PCDHGA2: variants seen among roughly 807,000 people sequenced by gnomAD.
The protein encoded by PCDHGA2 is protocadherin gamma-A2.
In PCDHGA2, 40 loss-of-function variants were observed where a neutral mutation model predicts 59.2. The observed-to-expected ratio is 0.68, with a 90% confidence interval of 0.52 to 0.88. The LOEUF is 0.88. Ranked by LOEUF, PCDHGA2 falls within the 40% of genes least tolerant of loss-of-function variation. The probability of loss-of-function intolerance (pLI) is 0.00; values close to 1 mark genes in which losing one functional copy is unlikely to be tolerated. For synonymous variants in PCDHGA2, 560 were observed against 526.0 expected (o/e 1.06, Z -0.89); for missense variants, 1,226 against 1,204.0 (o/e 1.02, Z -0.27).
chr5:141,366,101 G>A lies in PCDHGA2; in HGVS notation c.2424+24706G>A, dbSNP rs372607743. On this transcript the variant is annotated intron_variant, in intron 1 of 3. Coordinates refer to ENST00000394576, the MANE Select transcript of PCDHGA2 (RefSeq NM_018915.4). ...AGAACCTGGCTACCTGGTGACCAAG[G>A]TGGTAGCGGTGGACAAAGATTCAGG... 3.2e-5 allele frequency: 52 copies of A among 1,614,128 alleles called. No individual in the cohort carries two copies. Among genetic ancestry groups the A allele is most frequent in the Non-Finnish European group, 4.1e-5 (48 of 1,180,056 alleles).
chr5:141,445,389 C>T (rs1484183450), intron 1 of PCDHGA2, among the ~76,000 whole-genome samples: 1 of 152,174 alleles, frequency 6.6e-6, no homozygotes, highest in Non-Finnish European at 1.5e-5. Flanking sequence ...CATTCATTTA[C>T]ATAACAAATA....
chr5:141,340,417 C>A lies in PCDHGA2; in HGVS notation c.1446C>A (p.Asn482Lys), dbSNP rs745593461. Reference sequence around the variant, plus strand: ...TGACGGCCCATGACCCCGACAGCAACGACAATGCTCATGTAACTTACTCTT... The same window carrying A: ...TGACGGCCCATGACCCCGACAGCAAAGACAATGCTCATGTAACTTACTCTT... ...FSVTAHDPDS[N>K]DNAHVTYSFA... is the part of the protein sequence containing the mutation. Residue 482 changes from asparagine to lysine, a missense_variant, in exon 1 of 4, where the codon AAC becomes AAA. Transcript: ENST00000394576. The A allele has an allele frequency of 1.2e-6, 2 of 1,614,198 alleles. No individual in the cohort carries two copies. The highest frequency in any genetic ancestry group is 2.2e-5 in the South Asian group (2 of 91,084).
At chr5:141,414,699 C>T (rs2095778847) in intron 1 of PCDHGA2, 2 of 1,613,952 alleles carry the variant, frequency 1.2e-6, no homozygotes, top group Non-Finnish European at 1.7e-6. Context: ...TGTCCTCATA[C>T]ATATCCATCA....
chr5:141,487,812 T>A lies in PCDHGA2; in HGVS notation c.2425-6995T>A. ...TAACCAGAGTTGTCACAGTTTAGCA[T>A]TGGGGGCGGGTCATGCCTATATCTG... On this transcript the variant is annotated intron_variant, in intron 1 of 3. Coordinates refer to ENST00000394576, the MANE Select transcript of PCDHGA2 (RefSeq NM_018915.4). The surrounding 1 kb of genome is among the most constrained non-coding windows in gnomAD (Gnocchi z 5.0). 1 of 1,408,206 alleles carries A rather than the reference T, an allele frequency of 7.1e-7. No individual in the cohort carries two copies. The highest frequency in any genetic ancestry group is 9.7e-7 in the Non-Finnish European group (1 of 1,036,248). 87.2% of individuals were successfully genotyped at this position (1,408,206 alleles called of 1,614,324 possible). A position where few individuals can be genotyped will look rare whatever the true frequency, so the allele number is the denominator to read the frequency against.
intron 2 of PCDHGA2, among the ~76,000 whole-genome samples, chr5:141,503,088 C>T (rs1003234288): frequency 4.0e-5 from 6 of 151,864 alleles, no homozygotes; most frequent in Admixed American, 1.3e-4. Context: ...CTCCTGACCT[C>T]GTGGTCTGCC....
intron 1 of PCDHGA2, chr5:141,350,935 C>G: frequency 6.2e-7 from 1 of 1,614,104 alleles, no homozygotes; most frequent in East Asian, 2.2e-5. Context: ...CCACCCATAT[C>G]TGGATCCGAG....
intron 2 of PCDHGA2, among the ~76,000 whole-genome samples, chr5:141,497,478 C>T (rs974494984): frequency 6.0e-5 from 9 of 150,954 alleles, no homozygotes; most frequent in South Asian, 4.2e-4. Context: ...GGAGAAGGTG[C>T]GGAACCTCTC....
chr5:141,467,710 G>A (rs1284029664), intron 1 of PCDHGA2, among the ~76,000 whole-genome samples: 1 of 152,122 alleles, frequency 6.6e-6, no homozygotes, highest in Non-Finnish European at 1.5e-5. Context: ...TGCCCAGGCT[G>A]GAGTGTAGTG....
In PCDHGA2 at chr5:141,408,993, T is replaced by G. The variant is rs1258002192; in HGVS notation, c.2424+67598T>G. The G allele has an allele frequency of 1.2e-6, 2 of 1,613,814 alleles. No homozygotes were observed. The highest frequency in any genetic ancestry group is 2.7e-5 in the African/African-American group (2 of 74,912). On this transcript the variant is annotated intron_variant, in intron 1 of 3. Transcript: ENST00000394576. Reference sequence around the variant, plus strand: ...CCCCCTGGGTCCCCTGTGTTGCAAGTGACAGCCACTGACCAGGATGAGGGG... The same window carrying G: ...CCCCCTGGGTCCCCTGTGTTGCAAGGGACAGCCACTGACCAGGATGAGGGG...
At chr5:141,395,205 C>T (rs770683946) in intron 1 of PCDHGA2, 2 of 1,613,660 alleles carry the variant, frequency 1.2e-6, no homozygotes, top group Non-Finnish European at 1.7e-6. Flanking sequence ...CGTAGATTTT[C>T]ATGAATATAA....
At chr5:141,355,793 G>A (rs1157536797) in intron 1 of PCDHGA2, 6 of 1,613,574 alleles carry the variant, frequency 3.7e-6, no homozygotes, top group South Asian at 1.1e-5. Context: ...GTGCTGGAAC[G>A]CGCTCTAGAT....
At chr5:141,353,748 C>T (rs557671529) in intron 1 of PCDHGA2, among the ~76,000 whole-genome samples, 3 of 152,206 alleles carry the variant, frequency 2.0e-5, no homozygotes, top group African/African-American at 4.8e-5. Flanking sequence ...AATCTATAAA[C>T]ATGTTGAGAT....
rs1053018756 is a variant in PCDHGA2, at chr5:141,497,630, G to T, written c.2483+2765G>T. ...TCTTGGCTCACTGCAACCTCTGCCT[G>T]CCAGGTTCAAGCGATTCTCCTGCCT... is the stretch of plus-strand genomic sequence containing the variant. On this transcript the variant is annotated intron_variant, in intron 2 of 3. Coordinates refer to ENST00000394576, the MANE Select transcript of PCDHGA2 (RefSeq NM_018915.4). 3.3e-5 allele frequency among the ~76,000 whole-genome samples: 5 copies of T among 150,256 alleles called. No homozygotes were observed. The Admixed American group carries it at 3.3e-4, about 10-fold the overall frequency.
chr5:141,492,386 G>C (rs1343104703), intron 1 of PCDHGA2, among the ~76,000 whole-genome samples: 1 of 152,202 alleles, frequency 6.6e-6, no homozygotes, highest in African/African-American at 2.4e-5. Context: ...GCCTGTTCCG[G>C]TCCACTCGCA....
chr5:141,365,266 C>A, intron 1 of PCDHGA2: 2 of 1,613,938 alleles, frequency 1.2e-6, no homozygotes, highest in African/African-American at 2.7e-5. Context: ...ATGAAGAATC[C>A]AGATTCTACC....
At chr5:141,484,311 C>T (rs1234690996) in intron 1 of PCDHGA2, among the ~76,000 whole-genome samples, 2 of 152,196 alleles carry the variant, frequency 1.3e-5, no homozygotes, top group African/African-American at 4.8e-5. Flanking sequence ...CTCCACCCCG[C>T]TTCCATACTG....
chr5:141,451,797 C>T (rs1207473455), intron 1 of PCDHGA2, among the ~76,000 whole-genome samples: 1 of 152,006 alleles, frequency 6.6e-6, no homozygotes, highest in African/African-American at 2.4e-5. Context: ...CAGAGAATTG[C>T]TTGAACCCAG....
At chr5:141,438,875 A>G (rs2098071820) in intron 1 of PCDHGA2, among the ~76,000 whole-genome samples, 1 of 151,738 alleles carries the variant, frequency 6.6e-6, no homozygotes. Flanking sequence ...CAAGTTGGCC[A>G]GGCTGCTCTT....
intron 1 of PCDHGA2, among the ~76,000 whole-genome samples, chr5:141,425,555 A>T (rs1282440598): frequency 6.6e-6 from 1 of 152,270 alleles, no homozygotes; most frequent in African/African-American, 2.4e-5. Flanking sequence ...AACCTCTTTT[A>T]TAAGTGATAA....
Sources: allele counts gnomAD v4.1 joint callset (sites outside exome capture counted in the v4.1 genomes callset), GRCh38; gene constraint gnomAD v4.1.1; non-coding constraint Gnocchi (gnomAD v3.1); transcripts MANE v1.5; gene names NCBI Gene and HGNC (gene_info 2026-07-23, HGNC 2026-07-21).